BDNF: variants seen among roughly 807,000 people sequenced by gnomAD.
The protein encoded by BDNF is brain derived neurotrophic factor.
BDNF carries 1 observed loss-of-function variant against 19.5 expected under a neutral mutation model. That is an observed-to-expected ratio of 0.05 (90% CI 0.02 to 0.24). The LOEUF is 0.24. Among genes scored for constraint, BDNF ranks in the 10% least tolerant of loss-of-function variants. BDNF has a pLI of 1.00. For synonymous variants in BDNF, 100 were observed against 121.6 expected, an observed-to-expected ratio of 0.82 and a Z score of 1.17; for missense variants, 195 against 317.6, an observed-to-expected ratio of 0.61 and a Z score of 2.93.
chr11:27,713,374 A>G (rs1860411993), intron 1 of BDNF, among the ~76,000 whole-genome samples: 1 of 152,102 alleles, frequency 6.6e-6, no homozygotes. Context: ...TTAGAACTCC[A>G]CTGTGACTTC....
chr11:27,700,724 C>G (rs964132615), upstream of BDNF: 2 of 1,179,066 alleles, frequency 1.7e-6, no homozygotes, highest in African/African-American at 3.2e-5. Context: ...CTGCGCCCTC[C>G]TGGGGCGCCT....
intron 1 of BDNF, chr11:27,674,908 G>C (rs1039177681): frequency 2.2e-6 from 2 of 893,980 alleles, no homozygotes; most frequent in African/African-American, 3.6e-5. Context: ...GTTTCTCTTT[G>C]TATTAAACTT....
intron 1 of BDNF, among the ~76,000 whole-genome samples, chr11:27,662,586 T>C (rs1853639183): frequency 6.6e-6 from 1 of 152,132 alleles, no homozygotes; most frequent in South Asian, 2.1e-4. Flanking sequence ...GCAGGGTGGA[T>C]GGTTTTGGGA....
At chr11:27,665,940 A>G (rs986146949) in intron 1 of BDNF, among the ~76,000 whole-genome samples, 1 of 152,130 alleles carries the variant, frequency 6.6e-6, no homozygotes, top group South Asian at 2.1e-4. Flanking sequence ...AGCATGGAAT[A>G]TGATATCTGA....
intron 1 of BDNF, among the ~76,000 whole-genome samples, chr11:27,707,487 C>T (rs999013744): frequency 2.6e-5 from 4 of 152,272 alleles, no homozygotes; most frequent in Middle Eastern, 3.4e-3. Flanking sequence ...TTCATAATAT[C>T]GCCTTGAGAA....
chr11:27,691,111 A>T (rs1858206786), intron 1 of BDNF: 1 of 152,222 alleles, frequency 6.6e-6, no homozygotes, highest in African/African-American at 2.4e-5. Context: ...ATCAGAGAGG[A>T]TAAAGAACTT....
intron 1 of BDNF, among the ~76,000 whole-genome samples, chr11:27,716,253 T>G (rs1860503639): frequency 2.0e-5 from 3 of 152,214 alleles, no homozygotes; most frequent in Admixed American, 2.0e-4. Flanking sequence ...TTGAAAAATT[T>G]AATCTTTCTT....
chr11:27,715,634 T>C (rs1371978884), intron 1 of BDNF, among the ~76,000 whole-genome samples: 2 of 152,104 alleles, frequency 1.3e-5, no homozygotes, highest in African/African-American at 4.8e-5. Flanking sequence ...TAGGAGAAAA[T>C]AATGCCTACA....
chr11:27,667,487 G>A (rs1854559375), intron 1 of BDNF, among the ~76,000 whole-genome samples: 1 of 152,168 alleles, frequency 6.6e-6, no homozygotes, highest in African/African-American at 2.4e-5. Flanking sequence ...TGGATAAAGA[G>A]TCAAGACCCA....
rs575590904 is a variant in BDNF, at chr11:27,685,631, A to G, written c.-22+14533T>C. Among the ~76,000 whole-genome samples, 4 of 152,182 alleles carry G rather than the reference A, an allele frequency of 2.6e-5. No individual in the cohort carries two copies. The South Asian group carries it at 8.3e-4, about 32-fold the overall frequency. On this transcript the variant is annotated intron_variant, in intron 1 of 1. Transcript: ENST00000356660. Reference sequence around the variant, plus strand: ...CTCATTGGTCTCAAATAATGTATTTATTTCTGCCTTCTTTTTGTTATTTAC... The same window carrying G: ...CTCATTGGTCTCAAATAATGTATTTGTTTCTGCCTTCTTTTTGTTATTTAC...
At chr11:27,692,723 G>A (rs1427988343) in intron 1 of BDNF, among the ~76,000 whole-genome samples, 3 of 152,056 alleles carry the variant, frequency 2.0e-5, no homozygotes, top group Admixed American at 1.3e-4. Flanking sequence ...TTAAATTAAT[G>A]GAAAGTTTTC....
At chr11:27,669,904 A>AC (rs1855045881) in intron 1 of BDNF, among the ~76,000 whole-genome samples, 1 of 151,862 alleles carries the variant, frequency 6.6e-6, no homozygotes, top group Non-Finnish European at 1.5e-5. Context: ...TTGGAAAAAA[A>AC]CTACTTTAAA....
chr11:27,713,363 A>G (rs1860411807), intron 1 of BDNF, among the ~76,000 whole-genome samples: 1 of 152,216 alleles, frequency 6.6e-6, no homozygotes, highest in African/African-American at 2.4e-5. Flanking sequence ...CCCCTGTATA[A>G]TTAGAACTCC....
intron 1 of BDNF, among the ~76,000 whole-genome samples, chr11:27,699,089 C>T (rs1859561373): frequency 6.6e-6 from 1 of 151,836 alleles, no homozygotes; most frequent in Admixed American, 6.6e-5. Context: ...CTTCCCCACC[C>T]CCAGCCTCCC....
chr11:27,698,123 G>A (rs1859349467), intron 1 of BDNF: 1 of 147,054 alleles, frequency 6.8e-6, no homozygotes, highest in African/African-American at 2.5e-5. Context: ...TTCCAGTAAT[G>A]GTGACCAACA....
chr11:27,721,459 C>T (rs769439691), exon 1 of BDNF: 16 of 1,611,292 alleles, frequency 9.9e-6, no homozygotes, highest in African/African-American at 1.3e-5. Context: ...AAAATCTCGT[C>T]TCCCCAACAG....
intron 1 of BDNF, among the ~76,000 whole-genome samples, chr11:27,716,688 A>C (rs1266377877): frequency 6.6e-6 from 1 of 152,224 alleles, no homozygotes; most frequent in African/African-American, 2.4e-5. Flanking sequence ...AAATCTGATG[A>C]TATCAGTTCA....
chr11:27,715,355 TC>T (rs1331772850), intron 1 of BDNF, among the ~76,000 whole-genome samples: 1 of 152,152 alleles, frequency 6.6e-6, no homozygotes, highest in Non-Finnish European at 1.5e-5. Context: ...CTGAGAACCT[TC>T]CCAGAACCCA....
upstream of BDNF, chr11:27,701,377 AT>A (rs1859887174): frequency 2.9e-6 from 3 of 1,047,924 alleles, no homozygotes; most frequent in Non-Finnish European, 3.5e-6. Context: ...CCCACACTCT[AT>A]TATTTTTTCA....
Sources: gnomAD v4.1 joint callset for allele counts (sites outside exome capture counted in the v4.1 genomes callset) on GRCh38, gnomAD v4.1.1 for gene constraint, MANE v1.5 for transcripts, NCBI Gene and HGNC (gene_info 2026-07-23, HGNC 2026-07-21) for gene names.